Variants in PDSS2 observed in about 807,000 individuals in gnomAD.
PDSS2 encodes the protein all trans-polyprenyl-diphosphate synthase PDSS2.
A neutral mutation model predicts 44.5 loss-of-function variants in PDSS2; 31 were observed. That is an observed-to-expected ratio of 0.70 (90% CI 0.52 to 0.94). PDSS2 has a LOEUF of 0.94. Among genes scored for constraint, PDSS2 ranks in the 40% least tolerant of loss-of-function variants. The probability of loss-of-function intolerance (pLI) is 0.00; values close to 1 mark genes in which losing one functional copy is unlikely to be tolerated. For missense variants in PDSS2, 452 were observed against 482.2 expected (o/e 0.94, Z 0.59); for synonymous variants, 157 against 180.3 (o/e 0.87, Z 1.03).
intron 7 of PDSS2, among the ~76,000 whole-genome samples, chr6:107,173,039 G>A (rs1013760569): frequency 2.7e-5 from 4 of 149,694 alleles, no homozygotes; most frequent in African/African-American, 9.9e-5. Flanking sequence ...CGGGAGAATC[G>A]CTTGAACCCA....
At chr6:107,409,223 C>T (rs1029546087) in intron 1 of PDSS2, among the ~76,000 whole-genome samples, 5 of 152,156 alleles carry the variant, frequency 3.3e-5, no homozygotes, top group African/African-American at 7.2e-5. Flanking sequence ...TCACAACAAA[C>T]CTGTTCCCTA....
chr6:107,176,733 A>G (rs1486534745), intron 7 of PDSS2, among the ~76,000 whole-genome samples: 1 of 152,180 alleles, frequency 6.6e-6, no homozygotes, highest in African/African-American at 2.4e-5. Context: ...ATATAACCAT[A>G]CTACTGTATA....
chr6:107,380,911 C>T (rs1779435462), intron 1 of PDSS2, among the ~76,000 whole-genome samples: 1 of 152,306 alleles, frequency 6.6e-6, no homozygotes, highest in South Asian at 2.1e-4. Context: ...TACTTTTCTA[C>T]TATTTCTTTC....
intron 4 of PDSS2, among the ~76,000 whole-genome samples, chr6:107,241,348 T>G (rs1349079301): frequency 1.5e-5 from 2 of 131,026 alleles, no homozygotes; most frequent in African/African-American, 5.9e-5. Context: ...CTTCTTCTTT[T>G]TTTTTTTTTT....
Position 107,213,113 on chromosome 6 carries a change from G to T in PDSS2, c.703-831C>A, listed in dbSNP as rs140692081. On this transcript the variant is annotated intron_variant, in intron 4 of 7. Coordinates refer to ENST00000369037, the MANE Select transcript of PDSS2 (RefSeq NM_020381.4). ...CAGCCTTGACCTCCCGGGCTCAAGC[G>T]ATCCTTCCATCTCAGCCTCCCAAGT... is the stretch of plus-strand genomic sequence containing the variant. 2.1e-3 allele frequency among the ~76,000 whole-genome samples: 321 copies of T among 152,010 alleles called. 2 individuals carry two copies. Among genetic ancestry groups the T allele is most frequent in the African/African-American group, 7.4e-3 (306 of 41,518 alleles).
intron 1 of PDSS2, among the ~76,000 whole-genome samples, chr6:107,385,713 A>T (rs1562504076): frequency 1.3e-5 from 2 of 152,280 alleles, no homozygotes; most frequent in South Asian, 4.1e-4. Context: ...CAACCCTAAA[A>T]GCTGAACATC....
intron 2 of PDSS2, among the ~76,000 whole-genome samples, chr6:107,295,082 C>A (rs1007676339): frequency 6.6e-6 from 1 of 152,160 alleles, no homozygotes; most frequent in Non-Finnish European, 1.5e-5. Flanking sequence ...CAGGCGCACG[C>A]CACCAAGCCC....
chr6:107,200,194 A>C (rs182136538), intron 6 of PDSS2, among the ~76,000 whole-genome samples: 166 of 152,332 alleles, frequency 1.1e-3, no homozygotes, highest in Non-Finnish European at 1.7e-3. Context: ...AAAAGGCCTA[A>C]GATCTTAATT....
chr6:107,225,161 ATTTTTTTTTTT>A (rs71012786), intron 4 of PDSS2, among the ~76,000 whole-genome samples: 9 of 50,386 alleles, frequency 1.8e-4, no homozygotes, highest in Non-Finnish European at 2.3e-4. Context: ...ATATATATAT[ATTTTTTTTTTT>A]TTTTTTTTTT....
intron 3 of PDSS2, among the ~76,000 whole-genome samples, chr6:107,272,808 C>A (rs1775646865): frequency 6.6e-6 from 1 of 152,110 alleles, no homozygotes; most frequent in Non-Finnish European, 1.5e-5. Context: ...CACAGTGAGA[C>A]TCTGTCTCTA....
At chr6:107,336,348 C>T (rs1050214215) in intron 1 of PDSS2, among the ~76,000 whole-genome samples, 2 of 150,976 alleles carry the variant, frequency 1.3e-5, no homozygotes, top group Non-Finnish European at 2.9e-5. Flanking sequence ...TCATTAGTTT[C>T]AAAATAAGAC....
In PDSS2 at chr6:107,153,325, C is replaced by A. The variant is rs1770772555; in HGVS notation, c.*1294G>T. ...CATGAGTGCAAACCTCAAAAATCAT[C>A]TCCTATGAACCACACAGAGACAGTG... On this transcript the variant is annotated 3_prime_UTR_variant, in exon 8 of 8. Coordinates refer to ENST00000369037, the MANE Select transcript of PDSS2 (RefSeq NM_020381.4). 6.6e-6 allele frequency: 1 copy of A among 152,564 alleles called. No homozygotes were observed. Among genetic ancestry groups the A allele is most frequent in the Non-Finnish European group, 1.5e-5 (1 of 68,038 alleles). The allele number at this position is 152,564 out of a possible 1,614,324, so 9.5% of individuals were successfully genotyped here.
Position 107,245,019 on chromosome 6 carries a change from G to A in PDSS2, c.702+529C>T, listed in dbSNP as rs1774560718. Among the ~76,000 whole-genome samples the A allele has an allele frequency of 2.0e-5, 3 of 152,074 alleles. No homozygotes were observed. The South Asian group carries it at 6.2e-4, about 32-fold the overall frequency. On this transcript the variant is annotated intron_variant, in intron 4 of 7. Coordinates refer to ENST00000369037, the MANE Select transcript of PDSS2 (RefSeq NM_020381.4). ...ATGAGTCAAAAAAATCTTAATTCTAGACCTATAAAATTAATCAAAATAATC... is the reference window on the plus strand; with the variant it reads ...ATGAGTCAAAAAAATCTTAATTCTAAACCTATAAAATTAATCAAAATAATC...
At chr6:107,384,734 T>A (rs1218011960) in intron 1 of PDSS2, among the ~76,000 whole-genome samples, 1 of 151,736 alleles carries the variant, frequency 6.6e-6, no homozygotes, top group Non-Finnish European at 1.5e-5. Flanking sequence ...TGTATCTAAA[T>A]AAAGTTGTTA....
chr6:107,186,456 A>C (rs1281311751), intron 7 of PDSS2, among the ~76,000 whole-genome samples: 3 of 151,268 alleles, frequency 2.0e-5, no homozygotes, highest in Non-Finnish European at 4.4e-5. Context: ...CACAGAGTGC[A>C]TGACTGAAAT....
At chr6:107,359,821 C>A (rs531476942) in intron 1 of PDSS2, among the ~76,000 whole-genome samples, 4 of 152,154 alleles carry the variant, frequency 2.6e-5, no homozygotes, top group African/African-American at 7.2e-5. Context: ...GGGGGGCGGT[C>A]CTTGATCCTG....
chr6:107,291,629 G>C (rs1287525366), intron 2 of PDSS2, among the ~76,000 whole-genome samples: 1 of 151,048 alleles, frequency 6.6e-6, no homozygotes, highest in Admixed American at 6.6e-5. Flanking sequence ...GCCTTCCAGA[G>C]TGCTGGAATT....
At position 107,459,291 on chromosome 6, in the gene PDSS2, G is replaced by T; in HGVS notation, c.-6C>A. 6.2e-7 allele frequency: 1 copy of T among 1,613,692 alleles called. No homozygotes were observed. The highest frequency in any genetic ancestry group is 1.1e-5 in the South Asian group (1 of 91,072). On this transcript the variant is annotated 5_prime_UTR_variant, in exon 1 of 8. Coordinates refer to ENST00000369037, the MANE Select transcript of PDSS2 (RefSeq NM_020381.4). This position sits in a 1 kb window ranked among gnomAD's most constrained non-coding sequence, Gnocchi z 4.3. The stretch of plus-strand genomic sequence containing the variant: ...AGCAGCTGCCGAAAGTTCATGGTTT[G>T]AGTCTGGAAGGGTCTGGGACCTGGG...
chr6:107,341,494 G>T (rs959321207), intron 1 of PDSS2, among the ~76,000 whole-genome samples: 1 of 152,154 alleles, frequency 6.6e-6, no homozygotes, highest in African/African-American at 2.4e-5. Context: ...TCATAGAAGC[G>T]ATGGCTGAAG....
Sources: allele counts gnomAD v4.1 joint callset (sites outside exome capture counted in the v4.1 genomes callset), GRCh38; gene constraint gnomAD v4.1.1; non-coding constraint Gnocchi (gnomAD v3.1); transcripts MANE v1.5; gene names NCBI Gene and HGNC (gene_info 2026-07-23, HGNC 2026-07-21).